PRDM6: variants seen among roughly 807,000 people sequenced by gnomAD.
PRDM6 encodes putative histone-lysine N-methyltransferase PRDM6.
Under a neutral mutation model 60.8 loss-of-function variants are expected in PRDM6, and 25 were observed. That is an observed-to-expected ratio of 0.41 (90% CI 0.30 to 0.57). The LOEUF (loss-of-function observed/expected upper bound fraction) is 0.57. Among genes scored for constraint, PRDM6 ranks in the 20% least tolerant of loss-of-function variants. The pLI is 0.27. For synonymous variants in PRDM6, 407 were observed against 357.4 expected, an observed-to-expected ratio of 1.14 and a Z score of -1.57; for missense variants, 839 against 821.3, an observed-to-expected ratio of 1.02 and a Z score of -0.26.
chr5:123,139,160 A>G (rs1269180630), intron 3 of PRDM6, among the ~76,000 whole-genome samples: 1 of 152,228 alleles, frequency 6.6e-6, no homozygotes, highest in East Asian at 1.9e-4. Flanking sequence ...TGAGTCAATC[A>G]AACCTCTTTC....
At chr5:123,110,420 G>A (rs1437393289) in intron 3 of PRDM6, among the ~76,000 whole-genome samples, 1 of 151,160 alleles carries the variant, frequency 6.6e-6, no homozygotes, top group Non-Finnish European at 1.5e-5. Context: ...CACCACGCCT[G>A]GTTAATTTTT....
chr5:123,171,913 C>T (rs1038348315), intron 6 of PRDM6, among the ~76,000 whole-genome samples: 2 of 152,126 alleles, frequency 1.3e-5, no homozygotes, highest in African/African-American at 4.8e-5. Context: ...CAAATTAATT[C>T]AATAAGAAAG....
intron 6 of PRDM6, among the ~76,000 whole-genome samples, chr5:123,171,591 C>A (rs1765890937): frequency 6.6e-6 from 1 of 152,092 alleles, no homozygotes; most frequent in African/African-American, 2.4e-5. Flanking sequence ...ACCCATAAAT[C>A]CTGCAAAGCT....
chr5:123,125,091 G>C (rs426905), intron 3 of PRDM6, among the ~76,000 whole-genome samples: 1 of 144,248 alleles, frequency 6.9e-6, no homozygotes, highest in African/African-American at 2.6e-5. Flanking sequence ...CTTGTGTTGC[G>C]TTTTTCTGAA....
chr5:123,099,993 C>A lies in PRDM6; in HGVS notation c.900+32C>A. On this transcript the variant is annotated intron_variant, in intron 3 of 7. Coordinates refer to ENST00000407847, the MANE Select transcript of PRDM6 (RefSeq NM_001136239.4). The surrounding 1 kb of genome is among the most constrained non-coding windows in gnomAD (Gnocchi z 4.0). ...GGCCGGCTGCACAGCGCCTCCCCAC[C>A]GAGCAGGAGCCTTGGCCAGCAGGGA... 1 of 1,464,208 alleles carries A rather than the reference C, an allele frequency of 6.8e-7. No individual in the cohort carries two copies. The highest frequency in any genetic ancestry group is 9.1e-7 in the Non-Finnish European group (1 of 1,100,806). The allele number at this position is 1,464,208 out of a possible 1,614,324, so 90.7% of individuals were successfully genotyped here.
chr5:123,151,226 G>T (rs374804981), intron 3 of PRDM6, among the ~76,000 whole-genome samples: 1 of 152,112 alleles, frequency 6.6e-6, no homozygotes, highest in East Asian at 1.9e-4. Context: ...GATATGCCAG[G>T]GTTGGGAGCA....
chr5:123,162,990 A>T (rs937960255), intron 5 of PRDM6, among the ~76,000 whole-genome samples: 1 of 152,230 alleles, frequency 6.6e-6, no homozygotes, highest in Non-Finnish European at 1.5e-5. Context: ...TGAGTAATTT[A>T]AATCATCTCC....
intron 3 of PRDM6, among the ~76,000 whole-genome samples, chr5:123,129,000 G>A (rs1246066126): frequency 6.6e-6 from 1 of 152,172 alleles, no homozygotes. Context: ...AGTTTTCCCA[G>A]CACCATTTAT....
At chr5:123,135,937 G>A (rs1037069013) in intron 3 of PRDM6, among the ~76,000 whole-genome samples, 15 of 152,108 alleles carry the variant, frequency 9.9e-5, no homozygotes, top group African/African-American at 3.6e-4. Context: ...ACTGCCTTGG[G>A]ATATTTTAAA....
intron 3 of PRDM6, among the ~76,000 whole-genome samples, chr5:123,146,819 C>G (rs1019128321): frequency 6.6e-6 from 1 of 152,172 alleles, no homozygotes; most frequent in Non-Finnish European, 1.5e-5. Context: ...AAGCTGGAAA[C>G]TGTGGTGCTT....
At position 123,090,118 on chromosome 5, in the gene PRDM6, T is replaced by C; in HGVS notation, c.104T>C (p.Leu35Pro). The stretch of plus-strand genomic sequence containing the variant: ...TTCCCTCACGGAGGCGCAGGCCCGC[T>C]CAAGGGCAGCGGCGCCGCGGGTCTC... ...QLFPHGGAGPLKGSGAAGLLS... is the reference protein window; with the variant it reads ...QLFPHGGAGPPKGSGAAGLLS... The change falls in exon 2 of 8, where the codon CTC becomes CCC. Residue 35 changes from leucine to proline, a missense_variant. Leu to Pro is a moderately conservative substitution (Grantham distance 98). Coordinates refer to ENST00000407847, the MANE Select transcript of PRDM6 (RefSeq NM_001136239.4). 6.5e-7 allele frequency: 1 copy of C among 1,541,774 alleles called. No homozygotes were observed. The highest frequency in any genetic ancestry group is 8.7e-7 in the Non-Finnish European group (1 of 1,143,424).
At chr5:123,111,900 C>T (rs1764324331) in intron 3 of PRDM6, among the ~76,000 whole-genome samples, 1 of 152,132 alleles carries the variant, frequency 6.6e-6, no homozygotes, top group East Asian at 1.9e-4. Flanking sequence ...GCCTTCGCCC[C>T]TGCTACATCT....
intron 7 of PRDM6, among the ~76,000 whole-genome samples, chr5:123,185,430 G>C (rs546385968): frequency 1.3e-5 from 2 of 151,994 alleles, no homozygotes; most frequent in African/African-American, 4.8e-5. Flanking sequence ...GTTCGCTAAC[G>C]TGTCATCAGC....
At chr5:123,096,136 G>T (rs201603104) in intron 2 of PRDM6, among the ~76,000 whole-genome samples, 2 of 134,334 alleles carry the variant, frequency 1.5e-5, no homozygotes, top group South Asian at 4.9e-4. Context: ...AGATAGAAGA[G>T]TATTTATGAA....
At chr5:123,133,992 A>G (rs1019170919) in intron 3 of PRDM6, among the ~76,000 whole-genome samples, 19 of 152,070 alleles carry the variant, frequency 1.2e-4, no homozygotes, top group Non-Finnish European at 4.4e-5. Context: ...CTGTCTTGTC[A>G]TTTATTAATT....
intron 3 of PRDM6, among the ~76,000 whole-genome samples, chr5:123,115,737 T>A (rs986871435): frequency 1.4e-4 from 21 of 152,226 alleles, no homozygotes; most frequent in Admixed American, 5.9e-4. Context: ...ACATAATTTC[T>A]ATTGACTCCA....
At chr5:123,092,805 C>T (rs900480631) in intron 2 of PRDM6, among the ~76,000 whole-genome samples, 12 of 152,190 alleles carry the variant, frequency 7.9e-5, no homozygotes, top group East Asian at 3.9e-4. Context: ...TGCTGGGAGA[C>T]GAGATCTCCC....
At chr5:123,180,580 TTAAAA>T (rs1365355943) in intron 7 of PRDM6, among the ~76,000 whole-genome samples, 9 of 152,268 alleles carry the variant, frequency 5.9e-5, no homozygotes, top group African/African-American at 2.2e-4. Flanking sequence ...TTTCTCATCA[TTAAAA>T]TAAAGAGGTA....
At chr5:123,098,222 A>T (rs1047831871) in intron 2 of PRDM6, among the ~76,000 whole-genome samples, 3 of 152,214 alleles carry the variant, frequency 2.0e-5, no homozygotes, top group African/African-American at 4.8e-5. Context: ...GGGTGCCCCG[A>T]GGGCCACCCG....
Sources: allele counts gnomAD v4.1 joint callset (sites outside exome capture counted in the v4.1 genomes callset), GRCh38; gene constraint gnomAD v4.1.1; non-coding constraint Gnocchi (gnomAD v3.1); transcripts MANE v1.5; gene names NCBI Gene and HGNC (gene_info 2026-07-23, HGNC 2026-07-21).